Variants in CDH13 observed in about 807,000 individuals in gnomAD.
The protein encoded by CDH13 is cadherin 13, also known as cadherin-13.
In CDH13, 24 loss-of-function variants were observed where a neutral mutation model predicts 63.8. The observed-to-expected ratio is 0.38, with a 90% CI of 0.27 to 0.53. The LOEUF (loss-of-function observed/expected upper bound fraction) is 0.53. CDH13 is among the 20% of genes least tolerant of loss of function. CDH13 has a pLI of 0.85. For missense variants in CDH13, 1,049 were observed against 903.1 expected, an observed-to-expected ratio of 1.16 and a Z score of -2.07; for synonymous variants, 503 against 355.3, an observed-to-expected ratio of 1.42 and a Z score of -4.67.
chr16:83,719,999 C>T (rs765370420), intron 10 of CDH13, among the ~76,000 whole-genome samples: 5 of 152,170 alleles, frequency 3.3e-5, no homozygotes, highest in Admixed American at 6.5e-5. Context: ...CATCAGCGAG[C>T]CTCCATTTTC....
intron 5 of CDH13, among the ~76,000 whole-genome samples, chr16:83,286,944 C>T (rs147263400): frequency 0.011 from 1,598 of 152,108 alleles, 28 homozygotes; most frequent in African/African-American, 0.035. Context: ...CTGCCATGCC[C>T]GTGCTCCTAT....
chr16:83,789,401 C>T (rs1428363138), intron 13 of CDH13, among the ~76,000 whole-genome samples: 1 of 146,070 alleles, frequency 6.8e-6, no homozygotes, highest in East Asian at 2.0e-4. Flanking sequence ...GGCTGGAGTG[C>T]AAGGGCGCGA....
At chr16:83,782,842 C>A (rs753637828) in intron 12 of CDH13, among the ~76,000 whole-genome samples, 6 of 152,054 alleles carry the variant, frequency 3.9e-5, no homozygotes, top group Non-Finnish European at 8.8e-5. Context: ...GGATTTTCAC[C>A]TTAGCTTTCT....
chr16:83,559,467 A>G (rs555282743), intron 7 of CDH13, among the ~76,000 whole-genome samples: 1 of 152,046 alleles, frequency 6.6e-6, no homozygotes, highest in East Asian at 1.9e-4. Flanking sequence ...GCTACTCTGG[A>G]GGCTGAGGTG....
chr16:83,116,488 C>T (rs373089908), intron 3 of CDH13, among the ~76,000 whole-genome samples: 1 of 152,222 alleles, frequency 6.6e-6, no homozygotes, highest in African/African-American at 2.4e-5. Context: ...GATGGCGCTG[C>T]AGCCCCTTCT....
chr16:83,754,090 A>T (rs1057400268), intron 11 of CDH13, among the ~76,000 whole-genome samples: 1 of 152,132 alleles, frequency 6.6e-6, no homozygotes, highest in African/African-American at 2.4e-5. Context: ...TGGAAACTTG[A>T]GGGGCTGCTT....
At position 83,656,886 on chromosome 16, in the gene CDH13, G is replaced by A. The variant is rs887594953; in HGVS notation, c.1102-13904G>A. 3.3e-5 allele frequency among the ~76,000 whole-genome samples: 5 copies of A among 152,180 alleles called. 1 individual carries two copies. The highest frequency in any genetic ancestry group is 2.6e-4 in the Admixed American group (4 of 15,278). ...TCATCTCTCCAAGTCAATCTTTAGG[G>A]ATCGACACTGCTGGTGGCTTATGAA... On this transcript the variant is annotated intron_variant, in intron 8 of 13. Coordinates refer to ENST00000567109, the MANE Select transcript of CDH13 (RefSeq NM_001257.5).
intron 3 of CDH13, among the ~76,000 whole-genome samples, chr16:83,122,715 A>G (rs908280717): frequency 3.9e-5 from 6 of 152,190 alleles, no homozygotes; most frequent in Admixed American, 2.6e-4. Flanking sequence ...AAGACTCTTA[A>G]CAAAGTATAA....
intron 5 of CDH13, among the ~76,000 whole-genome samples, chr16:83,226,605 A>C (rs755550835): frequency 2.0e-5 from 3 of 152,108 alleles, no homozygotes; most frequent in Admixed American, 1.3e-4. Context: ...AACCAGGTCT[A>C]CTTCATCATG....
chr16:83,151,450 A>G (rs75225460), intron 4 of CDH13, among the ~76,000 whole-genome samples: 2 of 152,176 alleles, frequency 1.3e-5, no homozygotes, highest in Admixed American at 6.5e-5. Context: ...AAATGTACCT[A>G]TGGGAGGATA....
At chr16:82,885,045 C>T (rs903344745) in intron 2 of CDH13, among the ~76,000 whole-genome samples, 2 of 152,038 alleles carry the variant, frequency 1.3e-5, no homozygotes, top group East Asian at 1.9e-4. Flanking sequence ...GCTGTGTATT[C>T]TAATTTTTCT....
intron 3 of CDH13, among the ~76,000 whole-genome samples, chr16:83,085,355 G>A (rs905857416): frequency 1.3e-5 from 2 of 152,110 alleles, no homozygotes; most frequent in Admixed American, 6.5e-5. Flanking sequence ...CCCACAACAC[G>A]TGGGAATTCT....
intron 6 of CDH13, among the ~76,000 whole-genome samples, chr16:83,402,797 T>C (rs1451016168): frequency 6.6e-6 from 1 of 152,242 alleles, no homozygotes; most frequent in Non-Finnish European, 1.5e-5. Flanking sequence ...CTTCTTGGGA[T>C]TTAATTGTAT....
At chr16:82,915,085 T>G (rs1431669291) in intron 2 of CDH13, among the ~76,000 whole-genome samples, 1 of 152,242 alleles carries the variant, frequency 6.6e-6, no homozygotes, top group African/African-American at 2.4e-5. Context: ...AATCCAGTGA[T>G]GAAATGTAAC....
chr16:83,466,600 A>G (rs754029311), intron 6 of CDH13, among the ~76,000 whole-genome samples: 8 of 152,202 alleles, frequency 5.3e-5, no homozygotes, highest in Admixed American at 1.3e-4. Flanking sequence ...CCCAAAACTC[A>G]GGGCCTCAAT....
At chr16:82,981,835 T>C (rs1910303563) in intron 2 of CDH13, among the ~76,000 whole-genome samples, 1 of 152,280 alleles carries the variant, frequency 6.6e-6, no homozygotes, top group East Asian at 1.9e-4. Context: ...ACCAGTGGCT[T>C]CCTAATGACC....
chr16:83,591,769 A>G (rs1429983782), intron 7 of CDH13, among the ~76,000 whole-genome samples: 1 of 152,196 alleles, frequency 6.6e-6, no homozygotes. Context: ...GGAGCCACTT[A>G]TATATCTTTT....
chr16:82,822,147 G>A (rs1449355781), intron 1 of CDH13, among the ~76,000 whole-genome samples: 1 of 152,104 alleles, frequency 6.6e-6, no homozygotes, highest in Non-Finnish European at 1.5e-5. Flanking sequence ...GCAATCAAAA[G>A]ATTACCCGGG....
intron 2 of CDH13, among the ~76,000 whole-genome samples, chr16:82,894,088 C>A (rs2041169797): frequency 6.6e-6 from 1 of 152,186 alleles, no homozygotes; most frequent in African/African-American, 2.4e-5. Flanking sequence ...GTAGCTCAAT[C>A]CGTTGTCTGT....
Sources: gnomAD v4.1 joint callset for allele counts (sites outside exome capture counted in the v4.1 genomes callset) on GRCh38, gnomAD v4.1.1 for gene constraint, MANE v1.5 for transcripts, NCBI Gene and HGNC (gene_info 2026-07-23, HGNC 2026-07-21) for gene names.